SNTG1: variants seen among roughly 807,000 people sequenced by gnomAD.
SNTG1 encodes syntrophin gamma 1, also known as gamma-1-syntrophin.
A neutral mutation model predicts 74.7 loss-of-function variants in SNTG1; 39 were observed. The ratio of observed to expected loss-of-function variants is 0.52; its 90% CI spans 0.40 to 0.68. The LOEUF is 0.68. SNTG1 is among the 30% of genes least tolerant of loss of function. The pLI is 0.00. For missense variants in SNTG1, 685 were observed against 609.5 expected (o/e 1.12, Z -1.30); for synonymous variants, 254 against 217.1 (o/e 1.17, Z -1.49).
chr8:50,180,177 A>G (rs1428834831), intron 2 of SNTG1, among the ~76,000 whole-genome samples: 2 of 152,226 alleles, frequency 1.3e-5, no homozygotes, highest in Non-Finnish European at 1.5e-5. Flanking sequence ...TAAGCCATAA[A>G]CAGTAAGACA....
intron 1 of SNTG1, among the ~76,000 whole-genome samples, chr8:50,159,980 T>A (rs930941541): frequency 6.6e-6 from 1 of 152,198 alleles, no homozygotes; most frequent in Non-Finnish European, 1.5e-5. Context: ...AGTTGGGCCC[T>A]TACCTGGTAG....
At chr8:50,002,601 TC>T (rs1010166911) in intron 1 of SNTG1, among the ~76,000 whole-genome samples, 1 of 152,156 alleles carries the variant, frequency 6.6e-6, no homozygotes, top group African/African-American at 2.4e-5. Context: ...TCTGTTTGTT[TC>T]CAGTGAGTTT....
intron 1 of SNTG1, among the ~76,000 whole-genome samples, chr8:49,922,860 T>C (rs1806679262): frequency 6.6e-6 from 1 of 152,166 alleles, no homozygotes; most frequent in Non-Finnish European, 1.5e-5. Context: ...AAAAAATCAA[T>C]GACTTGGATG....
intron 18 of SNTG1, among the ~76,000 whole-genome samples, chr8:50,754,629 T>G (rs929697002): frequency 2.0e-5 from 3 of 151,948 alleles, no homozygotes; most frequent in Non-Finnish European, 2.9e-5. Context: ...CATTAATTTT[T>G]ACTGATTTTT....
intron 1 of SNTG1, among the ~76,000 whole-genome samples, chr8:49,999,422 C>A (rs541656586): frequency 6.6e-6 from 1 of 152,274 alleles, no homozygotes; most frequent in South Asian, 2.1e-4. Context: ...TCATTATTCA[C>A]TCTCCTCCAG....
At chr8:50,471,107 G>A (rs779849403) in intron 8 of SNTG1, among the ~76,000 whole-genome samples, 1 of 152,080 alleles carries the variant, frequency 6.6e-6, no homozygotes, top group Non-Finnish European at 1.5e-5. Context: ...CCTTTAGCTA[G>A]ACAGAAAAGT....
In SNTG1 at chr8:50,239,988, A is replaced by G. The variant is rs148181690; in HGVS notation, c.-28+67353A>G. ...TGACTTCCATCACTTCTGAAAATTCACTAAGTAACTATAATCTTTTGACTG... is the reference window on the plus strand; with the variant it reads ...TGACTTCCATCACTTCTGAAAATTCGCTAAGTAACTATAATCTTTTGACTG... On this transcript the variant is annotated intron_variant, in intron 2 of 18. Coordinates refer to ENST00000642720, the MANE Select transcript of SNTG1 (RefSeq NM_018967.5). Among the ~76,000 whole-genome samples, 6 of 152,326 alleles carry G rather than the reference A, an allele frequency of 3.9e-5. No homozygotes were observed. The East Asian group carries it at 1.2e-3, about 29-fold the overall frequency.
chr8:49,971,529 A>T (rs1811673483), intron 1 of SNTG1, among the ~76,000 whole-genome samples: 1 of 152,152 alleles, frequency 6.6e-6, no homozygotes, highest in East Asian at 1.9e-4. Context: ...AATAGGCAGA[A>T]GAAGGAAATA....
At chr8:50,771,973 G>T (rs1160025205) in intron 18 of SNTG1, among the ~76,000 whole-genome samples, 1 of 152,074 alleles carries the variant, frequency 6.6e-6, no homozygotes, top group Non-Finnish European at 1.5e-5. Flanking sequence ...ATTTCAAAGG[G>T]TATATAGAAA....
chr8:49,945,298 C>T (rs1809074111), intron 1 of SNTG1, among the ~76,000 whole-genome samples: 1 of 152,128 alleles, frequency 6.6e-6, no homozygotes, highest in African/African-American at 2.4e-5. Context: ...ACAGGATTGC[C>T]CTCCTTGCAA....
At chr8:50,555,211 G>C (rs774305179) in intron 12 of SNTG1, among the ~76,000 whole-genome samples, 3 of 152,044 alleles carry the variant, frequency 2.0e-5, no homozygotes. Flanking sequence ...TTAACTGTTT[G>C]GAGATCCATA....
At position 50,793,696 on chromosome 8, in the gene SNTG1, G is replaced by A. The variant is rs981845172; in HGVS notation, c.*867G>A. On this transcript the variant is annotated 3_prime_UTR_variant, in exon 19 of 19. Transcript: ENST00000642720. ...TTCAGTGAACCCAAAACCTTTTGTA[G>A]AGAAAATAATATAAACAAATATGGT... The A allele has an allele frequency of 6.6e-6, 1 of 151,756 alleles. No individual in the cohort carries two copies. The highest frequency in any genetic ancestry group is 6.6e-5 in the Admixed American group (1 of 15,176). The allele number at this position is 151,756 out of a possible 1,614,324, so 9.4% of individuals were successfully genotyped here.
At chr8:50,093,195 A>G (rs780384983) in intron 1 of SNTG1, among the ~76,000 whole-genome samples, 3 of 152,152 alleles carry the variant, frequency 2.0e-5, no homozygotes, top group Non-Finnish European at 2.9e-5. Context: ...TCAAACATTA[A>G]TATACATATC....
At chr8:50,760,442 T>C (rs1229707336) in intron 18 of SNTG1, among the ~76,000 whole-genome samples, 1 of 152,014 alleles carries the variant, frequency 6.6e-6, no homozygotes, top group Non-Finnish European at 1.5e-5. Context: ...TGCTTCTAGG[T>C]TTTTGCCCAT....
intron 1 of SNTG1, among the ~76,000 whole-genome samples, chr8:49,980,821 T>G (rs1395114049): frequency 6.6e-6 from 1 of 152,218 alleles, no homozygotes; most frequent in Non-Finnish European, 1.5e-5. Context: ...TTTTAGACAC[T>G]TAAAGCTAAC....
At chr8:50,082,197 C>A (rs1822473234) in intron 1 of SNTG1, among the ~76,000 whole-genome samples, 1 of 151,942 alleles carries the variant, frequency 6.6e-6, no homozygotes, top group Non-Finnish European at 1.5e-5. Context: ...CTATGATTTT[C>A]TTTAGTTATT....
intron 2 of SNTG1, among the ~76,000 whole-genome samples, chr8:50,315,710 CTT>C (rs2130780848): frequency 6.6e-6 from 1 of 151,578 alleles, no homozygotes; most frequent in African/African-American, 2.4e-5. Flanking sequence ...GTGAATATGC[CTT>C]CCTAACAATC....
chr8:50,305,574 A>T (rs2089856664), intron 2 of SNTG1, among the ~76,000 whole-genome samples: 1 of 147,100 alleles, frequency 6.8e-6, no homozygotes. Flanking sequence ...CTTCCATTCC[A>T]TTATTTTCCC....
At chr8:50,591,858 G>C (rs1418448896) in intron 13 of SNTG1, among the ~76,000 whole-genome samples, 1 of 152,188 alleles carries the variant, frequency 6.6e-6, no homozygotes, top group African/African-American at 2.4e-5. Flanking sequence ...CCTGAGCCAA[G>C]TTGATATCTT....
Sources: gnomAD v4.1 joint callset for allele counts (sites outside exome capture counted in the v4.1 genomes callset) on GRCh38, gnomAD v4.1.1 for gene constraint, MANE v1.5 for transcripts, NCBI Gene and HGNC (gene_info 2026-07-23, HGNC 2026-07-21) for gene names.